OSM: variants seen among roughly 807,000 people sequenced by gnomAD.
OSM encodes oncostatin-M.
OSM carries 1 observed loss-of-function variant against 6.3 expected under a neutral mutation model. That is an observed-to-expected ratio of 0.16 (90% CI 0.06 to 0.76). OSM has a LOEUF of 0.76. OSM is among the 30% of genes least tolerant of loss of function. The pLI is 0.77. For missense variants in OSM, 324 were observed against 336.9 expected (o/e 0.96, Z 0.30); for synonymous variants, 135 against 143.4 (o/e 0.94, Z 0.42).
At position 30,264,335 on chromosome 22, in the gene OSM, G is replaced by A. The variant is rs201774030; in HGVS notation, c.307C>T (p.Leu103=). 58 of 1,613,982 alleles carry A rather than the reference G, an allele frequency of 3.6e-5. No individual in the cohort carries two copies. The highest frequency in any genetic ancestry group is 1.0e-4 in the Admixed American group (6 of 60,022). The change falls in exon 3 of 3, where the codon CTG becomes TTG. Residue 103 remains leucine, a synonymous_variant. Transcript: ENST00000215781. ...GCCAGTCTGTGCAGGACGCAGCCCA[G>A]TGTGGCATTGAGGGTCTGCAGGAAG... The part of the protein sequence containing the change: ...RGFLQTLNAT[L]GCVLHRLADL...
In OSM at chr22:30,266,779, C is replaced by A. The variant is rs769407747; in HGVS notation, c.21G>T (p.Gln7His). The change falls in exon 1 of 3, where the codon CAG (glutamine) becomes CAT (histidine). Residue 7 changes from glutamine (Q) to histidine (H), a missense_variant. Gln to His is a conservative substitution (Grantham distance 24). Transcript: ENST00000215781. This position sits in a 1 kb window ranked among gnomAD's most constrained non-coding sequence, Gnocchi z 5.0. Reference sequence around the variant, plus strand: ...GGAAGTACTTACTGAGCAGCGTCCTCTGTGTGAGCAGTACCCCCATGCTGG... The same window carrying A: ...GGAAGTACTTACTGAGCAGCGTCCTATGTGTGAGCAGTACCCCCATGCTGG... MGVLLT[Q>H]RTLLSLVLAL... 4 of 1,613,308 alleles carry A rather than the reference C, an allele frequency of 2.5e-6. No individual in the cohort carries two copies. In the African/African-American group the frequency reaches 5.3e-5, roughly 22 times the overall value.
Position 30,265,139 on chromosome 22 carries a change from C to T in OSM, c.40G>A (p.Val14Ile), listed in dbSNP as rs1929359174. The change falls in exon 2 of 3, where the codon GTC becomes ATC. Residue 14 changes from valine to isoleucine, a missense_variant. Physicochemically the swap from Val to Ile is conservative, Grantham distance 29. Transcript: ENST00000215781. ...ATGCTTGGAAACAGGAGTGCAAGGA[C>T]CAGACCTAAGGCAGAGAAGAGGGGT... ...LLTQRTLLSL[V>I]LALLFPSMAS... is the part of the protein sequence containing the mutation. The T allele has an allele frequency of 6.2e-7, 1 of 1,613,388 alleles. No individual in the cohort carries two copies. The highest frequency in any genetic ancestry group is 1.3e-5 in the African/African-American group (1 of 75,044).
chr22:30,262,876 T>A lies in OSM; in HGVS notation c.*1007A>T, dbSNP rs1005678438. ...AATATAAGTTTGCACAATATTAACA[T>A]TAAATATACATCATAAATAAGGCTT... On this transcript the variant is annotated 3_prime_UTR_variant, in exon 3 of 3. Coordinates refer to ENST00000215781, the MANE Select transcript of OSM (RefSeq NM_020530.6). 2 of 152,692 alleles carry A rather than the reference T, an allele frequency of 1.3e-5. No individual in the cohort carries two copies. Among genetic ancestry groups the A allele is most frequent in the Admixed American group, 1.3e-4 (2 of 15,276 alleles). The allele number at this position is 152,692 out of a possible 1,614,324, so 9.5% of individuals were successfully genotyped here.
rs559814880 is a variant in OSM, at chr22:30,264,930, C to T, written c.177+72G>A. Reference sequence around the variant, plus strand: ...TATGGAGTGGGGCTAGGCCTGTCCTCCCTGCTTCTCACTCCCTTCCTAACC... The same window carrying T: ...TATGGAGTGGGGCTAGGCCTGTCCTTCCTGCTTCTCACTCCCTTCCTAACC... On this transcript the variant is annotated intron_variant, in intron 2 of 2. Coordinates refer to ENST00000215781, the MANE Select transcript of OSM (RefSeq NM_020530.6). The T allele has an allele frequency of 3.8e-6, 6 of 1,564,090 alleles. No individual in the cohort carries two copies. In the South Asian group the frequency reaches 5.8e-5, roughly 15 times the overall value.
rs748695983 is a variant in OSM, at chr22:30,264,396, G to A, written c.246C>T (p.Pro82=). 12 of 1,613,934 alleles carry A rather than the reference G, an allele frequency of 7.4e-6. No individual in the cohort carries two copies. The highest frequency in any genetic ancestry group is 3.3e-4 in the Middle Eastern group (2 of 6,084). The change falls in exon 3 of 3, where the codon CCC becomes CCT. Residue 82 remains proline (P), a synonymous_variant. Transcript: ENST00000215781. ...CCAGCCCCCTCAGGGTCTCCTCACT[G>A]GGGAAGGCCCCGGGGCGCTCCCTGC... ...EHCRERPGAF[P]SEETLRGLGR...
rs1569150553 is a variant in OSM, at chr22:30,263,287, C to T, written c.*596G>A. The T allele has an allele frequency of 6.5e-6, 1 of 152,890 alleles. No individual in the cohort carries two copies. Among genetic ancestry groups the T allele is most frequent in the South Asian group, 2.1e-4 (1 of 4,842 alleles). 9.5% of individuals were successfully genotyped at this position (152,890 alleles called of 1,614,324 possible). ...GTCCACAGAGGTAAAGTGACCTGCC[C>T]CAGGCCACGTGGCGACTTCGGGGCT... On this transcript the variant is annotated 3_prime_UTR_variant, in exon 3 of 3. Coordinates refer to ENST00000215781, the MANE Select transcript of OSM (RefSeq NM_020530.6).
In OSM at chr22:30,266,149, C is replaced by G. The variant is rs1254407788; in HGVS notation, c.34+617G>C. Among the ~76,000 whole-genome samples the G allele has an allele frequency of 2.0e-5, 3 of 152,214 alleles. No individual in the cohort carries two copies. The highest frequency in any genetic ancestry group is 4.4e-5 in the Non-Finnish European group (3 of 68,026). On this transcript the variant is annotated intron_variant, in intron 1 of 2. Transcript: ENST00000215781. The surrounding 1 kb of genome is among the most constrained non-coding windows in gnomAD (Gnocchi z 5.0). ...AGGGGCCTGTGCCTGTGGCAGCGCA[C>G]GTGGGACTGGGGTTTCTGTGTGGCT... is the stretch of plus-strand genomic sequence containing the variant.
rs1004956894 is a variant in OSM at position 30,262,971 on chromosome 22, C to G, written c.*912G>C. The stretch of plus-strand genomic sequence containing the variant: ...TCATGTCCCTCCAAGGAACTGGCCT[C>G]GCAGTTTCTGAGACCCCCTCTAGGA... On this transcript the variant is annotated 3_prime_UTR_variant, in exon 3 of 3. Transcript: ENST00000215781. 1.3e-5 allele frequency: 2 copies of G among 152,772 alleles called. No homozygotes were observed. Among genetic ancestry groups the G allele is most frequent in the African/African-American group, 4.8e-5 (2 of 41,462 alleles). The allele number at this position is 152,772 out of a possible 1,614,324, so 9.5% of individuals were successfully genotyped here. A position where few individuals can be genotyped will look rare whatever the true frequency, so the allele number is the denominator to read the frequency against.
At chr22:30,264,596 C>T in intron 2 of OSM, 132 bp from the exon 3 acceptor site, 1 of 796,834 alleles carries the variant, frequency 1.3e-6, no homozygotes, top group East Asian at 2.7e-5. Flanking sequence ...GAAACTGAGG[C>T]CCGAGAGGGA....
rs75608206 is a variant in OSM, at chr22:30,265,442, C to T, written c.35-298G>A. ...TTGAGCAAAGGCTGCAGTGCCTGGCCGGATCCCAGTCCTGCCTACAGCACG... is the reference window on the plus strand; with the variant it reads ...TTGAGCAAAGGCTGCAGTGCCTGGCTGGATCCCAGTCCTGCCTACAGCACG... On this transcript the variant is annotated intron_variant, in intron 1 of 2. Coordinates refer to ENST00000215781, the MANE Select transcript of OSM (RefSeq NM_020530.6). The T allele has an allele frequency of 2.7e-3, 3,150 of 1,177,368 alleles. 59 individuals are homozygous for T. The African/African-American group carries it at 0.041, about 15-fold the overall frequency. 72.9% of individuals were successfully genotyped at this position (1,177,368 alleles called of 1,614,324 possible). A position where few individuals can be genotyped will look rare whatever the true frequency, so the allele number is the denominator to read the frequency against.
Position 30,263,796 on chromosome 22 carries a change from G to A in OSM, c.*87C>T. ...CTAGTAGCAGAGGGGAACAGGTTTG[G>A]GGACCCGGGAGCTGTCATCCTGCGA... On this transcript the variant is annotated 3_prime_UTR_variant, in exon 3 of 3. Coordinates refer to ENST00000215781, the MANE Select transcript of OSM (RefSeq NM_020530.6). 8.9e-7 allele frequency: 1 copy of A among 1,121,316 alleles called. No homozygotes were observed. The highest frequency in any genetic ancestry group is 1.2e-6 in the Non-Finnish European group (1 of 806,672). 69.5% of individuals were successfully genotyped at this position (1,121,316 alleles called of 1,614,324 possible).
In OSM at chr22:30,264,006, C is replaced by T. The variant is rs140815202; in HGVS notation, c.636G>A (p.Trp212Ter). The T allele has an allele frequency of 9.0e-6, 14 of 1,559,306 alleles. No homozygotes were observed. Among genetic ancestry groups the T allele is most frequent in the Middle Eastern group, 3.5e-4 (2 of 5,776 alleles). The change falls in exon 3 of 3, where the codon TGG (tryptophan) becomes TGA (stop). Residue 212 changes from tryptophan to a stop codon, truncating the protein, a stop_gained. Coordinates refer to ENST00000215781, the MANE Select transcript of OSM (RefSeq NM_020530.6). LOFTEE classifies it low-confidence loss of function (END_TRUNC). ...TCCGGCTCCGGTTCGGGCTCTCCCCCCACTTGCTGAAGACCCGCCCCACTG... is the reference window on the plus strand; with the variant it reads ...TCCGGCTCCGGTTCGGGCTCTCCCCTCACTTGCTGAAGACCCGCCCCACTG... The part of the protein sequence containing the change: ...MHSVGRVFSK[W>*]GESPNRSRRH...
At chr22:30,264,568 T>G in intron 2 of OSM, 104 bp from the exon 3 acceptor site, 1 of 964,166 alleles carries the variant, frequency 1.0e-6, no homozygotes, top group South Asian at 1.6e-5. Context: ...CAATCCAATC[T>G]CCCACTGGAC....
rs1460537734 is a variant in OSM, at chr22:30,265,079, C to T, written c.100G>A (p.Glu34Lys). The T allele has an allele frequency of 6.2e-7, 1 of 1,614,172 alleles. No individual in the cohort carries two copies. Among genetic ancestry groups the T allele is most frequent in the Non-Finnish European group, 8.5e-7 (1 of 1,180,010 alleles). Residue 34 changes from glutamate (E) to lysine (K), a missense_variant, in exon 2 of 3, where the codon GAG becomes AAG. Coordinates refer to ENST00000215781, the MANE Select transcript of OSM (RefSeq NM_020530.6). ...AGCTGGCCAAGGAGCACGCGGTACT[C>T]TTTCGAGCAGCTGCCTATAGCCGCC... is the stretch of plus-strand genomic sequence containing the variant. ...SMAAIGSCSK[E>K]YRVLLGQLQK...
rs201487455 is a variant in OSM, at chr22:30,265,111, G to T, written c.68C>A (p.Ala23Glu). The part of the protein sequence containing the change: ...LVLALLFPSM[A>E]SMAAIGSCSK... ...GCAGCTGCCTATAGCCGCCATGCTC[G>T]CCATGCTTGGAAACAGGAGTGCAAG... Residue 23 changes from alanine (A) to glutamate (E), a missense_variant, in exon 2 of 3, where the codon GCG (alanine) becomes GAG (glutamate). Ala to Glu is a moderately radical substitution (Grantham distance 107). Transcript: ENST00000215781. The T allele has an allele frequency of 1.2e-6, 2 of 1,614,072 alleles. No individual in the cohort carries two copies. The highest frequency in any genetic ancestry group is 1.1e-5 in the South Asian group (1 of 91,076).
chr22:30,264,688 A>G (rs1028371286), intron 2 of OSM, among the ~76,000 whole-genome samples: 2 of 152,156 alleles, frequency 1.3e-5, no homozygotes, highest in Non-Finnish European at 2.9e-5. Flanking sequence ...GAAGAGCTTC[A>G]AGAGGGCTGG....
rs988067238 is a variant in OSM at position 30,264,459 on chromosome 22, A to G, written c.183T>C (p.Arg61=). The G allele has an allele frequency of 4.4e-6, 7 of 1,601,900 alleles. No homozygotes were observed. The African/African-American group carries it at 9.4e-5, about 21-fold the overall frequency. The change falls in exon 3 of 3, where the codon CGT becomes CGC. Residue 61 remains arginine, a synonymous_variant. Transcript: ENST00000215781. ...GTTTAGGAACATCCAGGCCTTGGAT[A>G]CGTATCTGGCGGGAACAGGAGGATC... is the stretch of plus-strand genomic sequence containing the variant. ...DTSRLLDPYI[R]IQGLDVPKLR... is the part of the protein sequence containing the mutation.
In OSM at chr22:30,263,372, C is replaced by A. The variant is rs1250605040; in HGVS notation, c.*511G>T. 1.3e-5 allele frequency: 2 copies of A among 153,554 alleles called. No homozygotes were observed. Among genetic ancestry groups the A allele is most frequent in the African/African-American group, 4.8e-5 (2 of 41,538 alleles). The allele number at this position is 153,554 out of a possible 1,614,324, so 9.5% of individuals were successfully genotyped here. A position where few individuals can be genotyped will look rare whatever the true frequency, so the allele number is the denominator to read the frequency against. ...GGATCAGGGCTCCTGGGACACCCTG[C>A]CGCTGTTACAGCTGCCTAAAGTGAG... On this transcript the variant is annotated 3_prime_UTR_variant, in exon 3 of 3. Coordinates refer to ENST00000215781, the MANE Select transcript of OSM (RefSeq NM_020530.6).
At position 30,264,096 on chromosome 22, in the gene OSM, C is replaced by A. The variant is rs115512471; in HGVS notation, c.546G>T (p.Ser182=). Residue 182 remains serine (S), a synonymous_variant, in exon 3 of 3, where the codon TCG becomes TCT. Transcript: ENST00000215781. ...ASQPPTPTPA[S]DAFQRKLEGC... ...CCTCCAGCTTGCGCTGAAAAGCATCCGAGGCAGGGGTGGGGGTGGGCGGCT... is the reference window on the plus strand; with the variant it reads ...CCTCCAGCTTGCGCTGAAAAGCATCAGAGGCAGGGGTGGGGGTGGGCGGCT... 2 of 1,608,100 alleles carry A rather than the reference C, an allele frequency of 1.2e-6. No homozygotes were observed. The highest frequency in any genetic ancestry group is 8.5e-7 in the Non-Finnish European group (1 of 1,175,900).
Sources: gnomAD v4.1 joint callset for allele counts (sites outside exome capture counted in the v4.1 genomes callset) on GRCh38, gnomAD v4.1.1 for gene constraint, Gnocchi (gnomAD v3.1) non-coding constraint, MANE v1.5 for transcripts, NCBI Gene and HGNC (gene_info 2026-07-23, HGNC 2026-07-21) for gene names.